ACOX1: variants seen among roughly 807,000 people sequenced by gnomAD.
The protein encoded by ACOX1 is peroxisomal acyl-coenzyme A oxidase 1.
Under a neutral mutation model 75.5 loss-of-function variants are expected in ACOX1, and 41 were observed. The observed-to-expected ratio is 0.54, with a 90% CI of 0.42 to 0.70. The LOEUF is 0.70. Among genes scored for constraint, ACOX1 ranks in the 30% least tolerant of loss-of-function variants. The probability of loss-of-function intolerance (pLI) is 0.00; values close to 1 mark genes in which losing one functional copy is unlikely to be tolerated. For synonymous variants in ACOX1, 303 were observed against 298.8 expected, an observed-to-expected ratio of 1.01 and a Z score of -0.15; for missense variants, 630 against 837.5, an observed-to-expected ratio of 0.75 and a Z score of 3.06.
At chr17:75,962,160 A>C (rs1361859746) in intron 2 of ACOX1, among the ~76,000 whole-genome samples, 1 of 152,184 alleles carries the variant, frequency 6.6e-6, no homozygotes, top group African/African-American at 2.4e-5. Context: ...ACAAAAACTG[A>C]CAGTGCTCTT....
At position 75,946,597 on chromosome 17, in the gene ACOX1, C is replaced by T; in HGVS notation, c.*151G>A. Reference sequence around the variant, plus strand: ...AAACATCTGCTTTTTTTCATTTAATCTCTGAAATCTGTTCATTTTTTCCCT... The same window carrying T: ...AAACATCTGCTTTTTTTCATTTAATTTCTGAAATCTGTTCATTTTTTCCCT... On this transcript the variant is annotated 3_prime_UTR_variant, in exon 14 of 14. Coordinates refer to ENST00000293217, the MANE Select transcript of ACOX1 (RefSeq NM_004035.7). 4.3e-6 allele frequency: 3 copies of T among 700,638 alleles called. No homozygotes were observed. The highest frequency in any genetic ancestry group is 4.6e-5 in the Admixed American group (2 of 43,440). 43.4% of individuals were successfully genotyped at this position (700,638 alleles called of 1,614,324 possible). A position where few individuals can be genotyped will look rare whatever the true frequency, so the allele number is the denominator to read the frequency against.
chr17:75,962,265 C>T lies in ACOX1; in HGVS notation c.270-1890G>A, dbSNP rs189697998. On this transcript the variant is annotated intron_variant, in intron 2 of 13. Coordinates refer to ENST00000293217, the MANE Select transcript of ACOX1 (RefSeq NM_004035.7). ...GTTACAGATTCATGCATAAGCTCTC[C>T]GTGACAATTATACAGAAATTATCAT... 4.6e-5 allele frequency among the ~76,000 whole-genome samples: 7 copies of T among 152,210 alleles called. No individual in the cohort carries two copies. In the East Asian group the frequency reaches 9.7e-4, roughly 21 times the overall value.
chr17:75,952,443 C>T (rs2065783242), intron 7 of ACOX1, among the ~76,000 whole-genome samples: 1 of 151,496 alleles, frequency 6.6e-6, no homozygotes, highest in Non-Finnish European at 1.5e-5. Context: ...TACAGGCACC[C>T]GCCACCACAC....
At chr17:75,951,808 CTTTT>C (rs1029666749) in intron 7 of ACOX1, among the ~76,000 whole-genome samples, 15 of 77,460 alleles carry the variant, frequency 1.9e-4, no homozygotes, top group African/African-American at 6.7e-4. Context: ...TAAATTGAGG[CTTTT>C]TTTTTTTTTT....
At chr17:75,952,812 C>T (rs1296472683) in intron 7 of ACOX1, among the ~76,000 whole-genome samples, 1 of 134,254 alleles carries the variant, frequency 7.4e-6, no homozygotes, top group East Asian at 2.1e-4. Flanking sequence ...GTCTGGGCAA[C>T]AGAGTGAGAA....
At position 75,948,292 on chromosome 17, in the gene ACOX1, A is replaced by C. The variant is rs1308090324; in HGVS notation, c.1894T>G (p.Leu632Val). 1.9e-6 allele frequency: 3 copies of C among 1,613,968 alleles called. No homozygotes were observed. The African/African-American group carries it at 4.0e-5, about 22-fold the overall frequency. ...GGGGAGTTCTTAGCCCACTCAAACA[A>C]GTTTTCATACACATTCCCATCATAG... ...GRYDGNVYEN[L>V]FEWAKNSPLN... Residue 632 changes from leucine to valine, a missense_variant, in exon 13 of 14, where the codon TTG becomes GTG. This residue lies in a region of ACOX1 where 240 missense variants were observed against 262.7 expected (regional missense o/e 0.91). Transcript: ENST00000293217.
At position 75,958,061 on chromosome 17, in the gene ACOX1, T is replaced by G. The variant is rs1401095920; in HGVS notation, c.431-495A>C. On this transcript the variant is annotated intron_variant, in intron 3 of 13. Transcript: ENST00000293217. ...ACATTTCAGCCAAAATTCGTATAAATTAAAAATGTATGGCTGTGCGTGGTG... is the reference window on the plus strand; with the variant it reads ...ACATTTCAGCCAAAATTCGTATAAAGTAAAAATGTATGGCTGTGCGTGGTG... Among the ~76,000 whole-genome samples, 3 of 152,212 alleles carry G rather than the reference T, an allele frequency of 2.0e-5. No homozygotes were observed. In the East Asian group the frequency reaches 5.8e-4, roughly 29 times the overall value.
In ACOX1 at chr17:75,978,449, C is replaced by T. The variant is rs1056412462; in HGVS notation, c.269+85G>A. The T allele has an allele frequency of 1.3e-6, 2 of 1,552,634 alleles. No individual in the cohort carries two copies. Among genetic ancestry groups the T allele is most frequent in the African/African-American group, 2.7e-5 (2 of 73,624 alleles). On this transcript the variant is annotated intron_variant, in intron 2 of 13. Coordinates refer to ENST00000293217, the MANE Select transcript of ACOX1 (RefSeq NM_004035.7). This position sits in a 1 kb window ranked among gnomAD's most constrained non-coding sequence, Gnocchi z 4.2. Reference sequence around the variant, plus strand: ...TATGCCAGTTTGCATCTTCAAACACCAAGCACGGTGATGAAAGGCCACCAT... The same window carrying T: ...TATGCCAGTTTGCATCTTCAAACACTAAGCACGGTGATGAAAGGCCACCAT...
At chr17:75,955,712 G>C (rs762832350) in intron 5 of ACOX1, 31 bp from the exon 6 acceptor site, 35 of 1,611,410 alleles carry the variant, frequency 2.2e-5, no homozygotes, top group Non-Finnish European at 3.0e-5. Flanking sequence ...GTCACGAGAT[G>C]TTTATGCTCT....
intron 2 of ACOX1, among the ~76,000 whole-genome samples, chr17:75,972,096 T>C (rs2066000894): frequency 1.3e-5 from 2 of 152,046 alleles, no homozygotes; most frequent in Non-Finnish European, 2.9e-5. Flanking sequence ...CCCAGGACTT[T>C]GGGAGGGCAG....
Position 75,978,776 on chromosome 17 carries a change from G to C in ACOX1, c.110-83C>G. ...CCTCCCTGAATCACAATAGGCTTCA[G>C]AGTCGCGGACACACCTGGGGAATGG... On this transcript the variant is annotated intron_variant, in intron 1 of 13. Transcript: ENST00000293217. This position sits in a 1 kb window ranked among gnomAD's most constrained non-coding sequence, Gnocchi z 4.2. The C allele has an allele frequency of 6.2e-7, 1 of 1,610,052 alleles. No individual in the cohort carries two copies. Among genetic ancestry groups the C allele is most frequent in the South Asian group, 1.1e-5 (1 of 90,768 alleles).
rs58820718 is a variant in ACOX1, at chr17:75,972,327, C to CAAAA, written c.269+6203_269+6206dup. Among the ~76,000 whole-genome samples, 736 of 110,926 alleles carry CAAAA rather than the reference C, an allele frequency of 6.6e-3. 3 individuals carry two copies. The highest frequency in any genetic ancestry group is 9.7e-3 in the Middle Eastern group (2 of 206). The allele number at this position is 110,926 out of a possible 152,430, so 72.8% of individuals were successfully genotyped here. A position where few individuals can be genotyped will look rare whatever the true frequency, so the allele number is the denominator to read the frequency against. The stretch of plus-strand genomic sequence containing the variant: ...GGGCGACAGAGTGAGACTCTGTCTC[C>CAAAA]AAAAAAAAAAAAAAAAAGGAAGGAT... On this transcript the variant is annotated intron_variant, in intron 2 of 13. Coordinates refer to ENST00000293217, the MANE Select transcript of ACOX1 (RefSeq NM_004035.7).
At chr17:75,954,388 T>A (rs1019938397) in intron 6 of ACOX1, among the ~76,000 whole-genome samples, 1 of 148,244 alleles carries the variant, frequency 6.7e-6, no homozygotes, top group African/African-American at 2.5e-5. Flanking sequence ...CTGGGTGTGG[T>A]GGCGCATGCC....
intron 2 of ACOX1, among the ~76,000 whole-genome samples, chr17:75,972,618 C>G (rs2066007380): frequency 6.9e-6 from 1 of 145,094 alleles, no homozygotes; most frequent in South Asian, 2.1e-4. Flanking sequence ...GCACTCCAGC[C>G]TGGGCAAAAA....
At chr17:75,962,584 C>CA (rs2144278248) in intron 2 of ACOX1, among the ~76,000 whole-genome samples, 1 of 152,264 alleles carries the variant, frequency 6.6e-6, no homozygotes, top group East Asian at 1.9e-4. Flanking sequence ...AGAACCAGGG[C>CA]ACACTGCTCA....
chr17:75,951,684 T>C (rs1357800772), intron 7 of ACOX1, 107 bp from the exon 8 acceptor site: 1 of 1,136,188 alleles, frequency 8.8e-7, no homozygotes. Flanking sequence ...TATTTAGTCC[T>C]CTTAAGGGCA....
rs563585255 is a variant in ACOX1 at position 75,961,573 on chromosome 17, C to T, written c.270-1198G>A. ...TCACCTGAGGTCAGGAGTTCAAGAC[C>T]AGCCTGACCAACATGGTGAGACCCC... is the stretch of plus-strand genomic sequence containing the variant. On this transcript the variant is annotated intron_variant, in intron 2 of 13. Transcript: ENST00000293217. Among the ~76,000 whole-genome samples the T allele has an allele frequency of 1.1e-3, 165 of 151,192 alleles. 1 individual carries two copies. The highest frequency in any genetic ancestry group is 1.3e-3 in the Non-Finnish European group (85 of 67,898).
At chr17:75,964,422 A>G (rs2065912866) in intron 2 of ACOX1, among the ~76,000 whole-genome samples, 1 of 152,134 alleles carries the variant, frequency 6.6e-6, no homozygotes. Flanking sequence ...AATCAGAGCA[A>G]TTCCTGGTGA....
rs1394210349 is a variant in ACOX1, at chr17:75,960,038, CTT to C, written c.430+175_430+176del. On this transcript the variant is annotated intron_variant, in intron 3 of 13. Coordinates refer to ENST00000293217, the MANE Select transcript of ACOX1 (RefSeq NM_004035.7). This position sits in a 1 kb window ranked among gnomAD's most constrained non-coding sequence, Gnocchi z 4.4. ...ACAATCATTTTATCAGTATCATGGT[CTT>C]TAATTCCCACTCACCAAAGCAGTGT... Among the ~76,000 whole-genome samples the C allele has an allele frequency of 1.3e-5, 2 of 152,188 alleles. No homozygotes were observed. Among genetic ancestry groups the C allele is most frequent in the Non-Finnish European group, 2.9e-5 (2 of 68,024 alleles).
Sources: gnomAD v4.1 joint callset for allele counts (sites outside exome capture counted in the v4.1 genomes callset) on GRCh38, gnomAD v4.1.1 for gene constraint, gnomAD v4.1.1 regional missense constraint, Gnocchi (gnomAD v3.1) non-coding constraint, MANE v1.5 for transcripts, NCBI Gene and HGNC (gene_info 2026-07-23, HGNC 2026-07-21) for gene names.